NXPE1: variants seen among roughly 807,000 people sequenced by gnomAD.
NXPE1 encodes neurexophilin and PC-esterase domain family member 1, also known as NXPE family member 1.
In NXPE1, 31 loss-of-function variants were observed where a neutral mutation model predicts 33.3. That is an observed-to-expected ratio of 0.93 (90% CI 0.70 to 1.26). The LOEUF is 1.26. Among genes scored for constraint, NXPE1 ranks in the 50% most tolerant of loss-of-function variants. The probability of loss-of-function intolerance (pLI) is 0.00; values close to 1 mark genes in which losing one functional copy is unlikely to be tolerated. For missense variants in NXPE1, 661 were observed against 655.6 expected (o/e 1.01, Z -0.09); for synonymous variants, 229 against 231.4 (o/e 0.99, Z 0.09).
At position 114,540,076 on chromosome 11, in the gene NXPE1, C is replaced by T. The variant is rs573922612; in HGVS notation, c.100-9168G>A. ...TCCAAAGCGATTCTCCTGCCTCAGCCGCCTGAATAGCTGGGATTACAGACG... is the reference window on the plus strand; with the variant it reads ...TCCAAAGCGATTCTCCTGCCTCAGCTGCCTGAATAGCTGGGATTACAGACG... On this transcript the variant is annotated intron_variant, in intron 5 of 8. Coordinates refer to ENST00000534921, the Ensembl canonical transcript of NXPE1. Among the ~76,000 whole-genome samples, 7 of 152,298 alleles carry T rather than the reference C, an allele frequency of 4.6e-5. No individual in the cohort carries two copies. In the South Asian group the frequency reaches 8.3e-4, roughly 18 times the overall value.
At chr11:114,524,326 G>A (rs1217733021) in intron 7 of NXPE1, among the ~76,000 whole-genome samples, 1 of 152,198 alleles carries the variant, frequency 6.6e-6, no homozygotes, top group East Asian at 1.9e-4. Flanking sequence ...GGAACCATCA[G>A]CAGTTTCTGC....
chr11:114,538,479 A>G (rs1410158180), intron 5 of NXPE1, among the ~76,000 whole-genome samples: 3 of 152,220 alleles, frequency 2.0e-5, no homozygotes, highest in Non-Finnish European at 4.4e-5. Context: ...AACCACCATC[A>G]GAGTGAACAG....
chr11:114,540,118 A>G (rs550341250), intron 5 of NXPE1, among the ~76,000 whole-genome samples: 133 of 152,258 alleles, frequency 8.7e-4, no homozygotes, highest in African/African-American at 3.0e-3. Context: ...ATCATGCCTG[A>G]CTAATTTTTT....
At chr11:114,531,935 A>C (rs778771444) in intron 5 of NXPE1, among the ~76,000 whole-genome samples, 20 of 152,108 alleles carry the variant, frequency 1.3e-4, no homozygotes, top group Admixed American at 2.6e-4. Flanking sequence ...AAAAATATGC[A>C]CTCTTAGGCT....
At chr11:114,542,364 G>A (rs1039692347) in intron 5 of NXPE1, among the ~76,000 whole-genome samples, 3 of 152,070 alleles carry the variant, frequency 2.0e-5, no homozygotes, top group Non-Finnish European at 2.9e-5. Context: ...TTCCCAGATC[G>A]TTCCTAAGGA....
intron 5 of NXPE1, among the ~76,000 whole-genome samples, chr11:114,533,516 C>T (rs539490115): frequency 2.6e-5 from 4 of 152,182 alleles, no homozygotes; most frequent in Non-Finnish European, 5.9e-5. Flanking sequence ...CACAAGCGGT[C>T]AGGGAATTTC....
intron 7 of NXPE1, among the ~76,000 whole-genome samples, chr11:114,526,878 A>G (rs1363646565): frequency 6.6e-6 from 1 of 152,152 alleles, no homozygotes; most frequent in Admixed American, 6.5e-5. Context: ...GATTCCCTGT[A>G]TTATTATTTG....
chr11:114,537,070 AG>A (rs1203491113), intron 5 of NXPE1, among the ~76,000 whole-genome samples: 1 of 152,216 alleles, frequency 6.6e-6, no homozygotes, highest in Non-Finnish European at 1.5e-5. Context: ...CACATCAAAA[AG>A]CTTATCCACC....
At chr11:114,558,947 A>G (rs1309682970) in intron 1 of NXPE1, among the ~76,000 whole-genome samples, 1 of 152,190 alleles carries the variant, frequency 6.6e-6, no homozygotes, top group African/African-American at 2.4e-5. Context: ...ATGTATTACT[A>G]TGAAATGGTT....
chr11:114,551,703 A>G (rs1460112108), intron 3 of NXPE1, among the ~76,000 whole-genome samples: 1 of 152,260 alleles, frequency 6.6e-6, no homozygotes, highest in East Asian at 1.9e-4. Context: ...CTGAATGCCA[A>G]GTCTGAAATT....
At chr11:114,542,879 A>G (rs1948148986) in intron 5 of NXPE1, among the ~76,000 whole-genome samples, 1 of 152,258 alleles carries the variant, frequency 6.6e-6, no homozygotes, top group Admixed American at 6.5e-5. Flanking sequence ...ATATATGATT[A>G]TAACACAAAA....
At chr11:114,553,952 G>A (rs1327589836) in intron 1 of NXPE1, 9 of 985,366 alleles carry the variant, frequency 9.1e-6, no homozygotes, top group Admixed American at 1.2e-4. Context: ...GAGCAGGTTT[G>A]TCAGTATACC....
rs1386078249 is a variant in NXPE1, at chr11:114,551,171, G to A, written c.31C>T (p.Leu11=). 5 of 1,535,176 alleles carry A rather than the reference G, an allele frequency of 3.3e-6. No individual in the cohort carries two copies. In the East Asian group the frequency reaches 1.2e-4, roughly 38 times the overall value. ...ACTGAAAAAGAGATCAAGATCAGCA[G>A]CGTTTTTTGAAGCATTGTATTTGAG... The change falls in exon 5 of 9, where the codon CTG becomes TTG. Residue 11 remains leucine, a synonymous_variant. Coordinates refer to ENST00000534921, the Ensembl canonical transcript of NXPE1.
At chr11:114,540,121 A>G (rs1295925436) in intron 5 of NXPE1, among the ~76,000 whole-genome samples, 1 of 152,220 alleles carries the variant, frequency 6.6e-6, no homozygotes, top group Middle Eastern at 3.4e-3. Context: ...ATGCCTGACT[A>G]ATTTTTTCTA....
chr11:114,522,420 A>G (rs1256257826), exon 9 of NXPE1: 2 of 1,613,960 alleles, frequency 1.2e-6, no homozygotes, highest in South Asian at 1.1e-5. Flanking sequence ...TGTTTTTTCC[A>G]TTGAATCTGA....
At chr11:114,537,232 C>G (rs964048479) in intron 5 of NXPE1, among the ~76,000 whole-genome samples, 22 of 152,206 alleles carry the variant, frequency 1.4e-4, no homozygotes, top group East Asian at 3.9e-4. Flanking sequence ...ATTCAACAAC[C>G]CTTCATGCTA....
rs1947282206 is a variant in NXPE1 at position 114,523,607 on chromosome 11, C to T, written c.896-516G>A. ...CTTGACAATTTTTTGTAAAACCAGA[C>T]TTTGCTAAAAGCAACATGCAACATC... On this transcript the variant is annotated intron_variant, in intron 7 of 8. Coordinates refer to ENST00000534921, the Ensembl canonical transcript of NXPE1. 2.0e-5 allele frequency among the ~76,000 whole-genome samples: 3 copies of T among 152,280 alleles called. No homozygotes were observed. The South Asian group carries it at 6.2e-4, about 32-fold the overall frequency.
intron 5 of NXPE1, among the ~76,000 whole-genome samples, chr11:114,548,371 T>G (rs964345166): frequency 2.0e-5 from 3 of 152,092 alleles, no homozygotes; most frequent in African/African-American, 4.8e-5. Context: ...AGAATATAAC[T>G]TTAGAGGAAC....
At chr11:114,530,148 C>T (rs755226821) in intron 6 of NXPE1, 27 bp downstream of exon 6, 2 of 1,563,886 alleles carry the variant, frequency 1.3e-6, no homozygotes, top group South Asian at 2.5e-5. Context: ...GGGGACACTT[C>T]TCAGTATACA....
Sources: allele counts gnomAD v4.1 joint callset (sites outside exome capture counted in the v4.1 genomes callset), GRCh38; gene constraint gnomAD v4.1.1; transcripts MANE v1.5; gene names NCBI Gene and HGNC (gene_info 2026-07-23, HGNC 2026-07-21).